MAOB: variants seen among roughly 807,000 people sequenced by gnomAD.
MAOB encodes the protein amine oxidase [flavin-containing] B.
Under a neutral mutation model 41.9 loss-of-function variants are expected in MAOB, and 15 were observed. The ratio of observed to expected loss-of-function variants is 0.36; its 90% CI spans 0.24 to 0.55. The LOEUF is 0.55. MAOB is among the 20% of genes least tolerant of loss of function. The pLI is 0.86. For missense variants in MAOB, 345 were observed against 398.7 expected (o/e 0.87, Z 1.15); for synonymous variants, 167 against 144.2 (o/e 1.16, Z -1.13).
At chrX:43,834,150 C>A (rs2035047349) in intron 3 of MAOB, among the ~76,000 whole-genome samples, 1 of 112,140 alleles carries the variant, frequency 8.9e-6, no homozygotes, top group Non-Finnish European at 1.9e-5. Context: ...TCAGAAAGGG[C>A]AAACTCACAG....
intron 8 of MAOB, among the ~76,000 whole-genome samples, chrX:43,788,253 C>G (rs749639426): frequency 2.6e-4 from 29 of 111,371 alleles, no homozygotes; most frequent in African/African-American, 9.5e-4. Context: ...TCATTTATTA[C>G]CTCAGGGAGG....
At chrX:43,770,750 T>C (rs2034172354) in intron 12 of MAOB, among the ~76,000 whole-genome samples, 1 of 111,943 alleles carries the variant, frequency 8.9e-6, no homozygotes, top group Admixed American at 9.5e-5. Flanking sequence ...GTCTAACAGA[T>C]GTCAAAGTCT....
At chrX:43,795,612 T>C in intron 7 of MAOB, 127 bp downstream of exon 7, 1 of 560,028 alleles carries the variant, frequency 1.8e-6, no homozygotes, top group Non-Finnish European at 2.8e-6. Context: ...TGAAGCTACC[T>C]AGGGGCTGCC....
At chrX:43,877,323 G>A (rs938803606) in intron 1 of MAOB, among the ~76,000 whole-genome samples, 1 of 110,639 alleles carries the variant, frequency 9.0e-6, no homozygotes, top group Non-Finnish European at 1.9e-5. Flanking sequence ...CCTTAAACCT[G>A]CCCTGGTGAC....
chrX:43,826,177 A>G (rs1439365975), intron 3 of MAOB, among the ~76,000 whole-genome samples: 1 of 112,198 alleles, frequency 8.9e-6, no homozygotes, highest in African/African-American at 3.2e-5. Context: ...GACAAAGAAA[A>G]TAGTCTTTAT....
At chrX:43,790,706 C>T (rs765714735) in intron 8 of MAOB, among the ~76,000 whole-genome samples, 5 of 110,522 alleles carry the variant, frequency 4.5e-5, no homozygotes, top group East Asian at 5.7e-4. Flanking sequence ...CTCAGCCTCC[C>T]GAGAAGCTGG....
chrX:43,767,779 C>T (rs1199434050), intron 14 of MAOB, among the ~76,000 whole-genome samples, 161 bp from the exon 15 acceptor site: 1 of 111,949 alleles, frequency 8.9e-6, no homozygotes, highest in Non-Finnish European at 1.9e-5. Flanking sequence ...GTCTTCCTCA[C>T]TGGACCCTTC....
intron 3 of MAOB, among the ~76,000 whole-genome samples, chrX:43,818,405 T>C (rs2034844146): frequency 8.9e-6 from 1 of 112,063 alleles, no homozygotes; most frequent in African/African-American, 3.2e-5. Flanking sequence ...ATTACACAGC[T>C]GATAAGCAGA....
At chrX:43,778,134 C>T (rs1284221665) in intron 11 of MAOB, among the ~76,000 whole-genome samples, 1 of 111,268 alleles carries the variant, frequency 9.0e-6, no homozygotes, top group South Asian at 3.9e-4. Context: ...GTCTTCTTTA[C>T]ATCTCTCATG....
intron 1 of MAOB, among the ~76,000 whole-genome samples, chrX:43,855,818 G>A (rs1467330939): frequency 2.7e-5 from 3 of 111,130 alleles, no homozygotes; most frequent in Admixed American, 9.6e-5. Flanking sequence ...AAGGGATAGG[G>A]GAACAGGTAT....
intron 10 of MAOB, among the ~76,000 whole-genome samples, 175 bp downstream of exon 10, chrX:43,780,167 A>G (rs745363107): frequency 9.0e-6 from 1 of 111,488 alleles, no homozygotes; most frequent in South Asian, 3.9e-4. Flanking sequence ...AACATAGCAA[A>G]CACGTAGCAC....
At chrX:43,794,811 T>C (rs1197496178) in intron 7 of MAOB, among the ~76,000 whole-genome samples, 1 of 110,245 alleles carries the variant, frequency 9.1e-6, no homozygotes, top group Admixed American at 9.7e-5. Flanking sequence ...TGATTATCTA[T>C]GAGACTGTGG....
At chrX:43,842,970 C>G (rs2035156676) in intron 2 of MAOB, among the ~76,000 whole-genome samples, 1 of 110,909 alleles carries the variant, frequency 9.0e-6, no homozygotes, top group Non-Finnish European at 1.9e-5. Context: ...TTTAGCTAGA[C>G]AGGAAGAATA....
At chrX:43,808,893 C>T (rs368498794) in intron 3 of MAOB, among the ~76,000 whole-genome samples, 1 of 110,316 alleles carries the variant, frequency 9.1e-6, no homozygotes, top group African/African-American at 3.3e-5. Flanking sequence ...TTAGTAGAGA[C>T]GTGGTTTCAC....
At position 43,777,912 on chromosome X, in the gene MAOB, T is replaced by C. The variant is rs182280687; in HGVS notation, c.1137+770A>G. ...CTGATGAATGTCATGAGAACACCAA[T>C]TCATCATTTTAAATATTGATGAGGG... is the stretch of plus-strand genomic sequence containing the variant. On this transcript the variant is annotated intron_variant, in intron 11 of 14. Transcript: ENST00000378069. Among the ~76,000 whole-genome samples, 223 of 111,916 alleles carry C rather than the reference T, an allele frequency of 2.0e-3. 1 individual carries two copies. Among genetic ancestry groups the C allele is most frequent in the African/African-American group, 6.8e-3 (209 of 30,798 alleles).
At chrX:43,847,832 C>T (rs1358953485) in intron 1 of MAOB, among the ~76,000 whole-genome samples, 2 of 112,235 alleles carry the variant, frequency 1.8e-5, no homozygotes, top group Admixed American at 1.9e-4. Flanking sequence ...TATAATCTCA[C>T]AACCAAATGG....
intron 8 of MAOB, among the ~76,000 whole-genome samples, chrX:43,786,028 A>G (rs1463884600): frequency 8.9e-6 from 1 of 111,959 alleles, no homozygotes; most frequent in Non-Finnish European, 1.9e-5. Flanking sequence ...AAACCTGCTC[A>G]GTGCAGGGTT....
chrX:43,827,797 G>A (rs760836014), intron 3 of MAOB, among the ~76,000 whole-genome samples: 1 of 111,752 alleles, frequency 8.9e-6, no homozygotes, highest in East Asian at 2.8e-4. Context: ...GAGATTGGTG[G>A]GGCATATCAT....
At chrX:43,808,367 C>A (rs1309251034) in intron 3 of MAOB, among the ~76,000 whole-genome samples, 1 of 111,454 alleles carries the variant, frequency 9.0e-6, no homozygotes, top group Non-Finnish European at 1.9e-5. Flanking sequence ...ATTGGTTCAG[C>A]CAGAAATCAC....
Sources: gnomAD v4.1 joint callset for allele counts (sites outside exome capture counted in the v4.1 genomes callset) on GRCh38, gnomAD v4.1.1 for gene constraint, MANE v1.5 for transcripts, NCBI Gene and HGNC (gene_info 2026-07-23, HGNC 2026-07-21) for gene names.